Variants in MREG observed in about 807,000 individuals in gnomAD.
The protein encoded by MREG is melanoregulin, also known as dilute suppressor protein homolog.
Under a neutral mutation model 28.5 loss-of-function variants are expected in MREG, and 31 were observed. The ratio of observed to expected loss-of-function variants is 1.09; its 90% CI spans 0.82 to 1.47. MREG has a LOEUF of 1.47. Among genes scored for constraint, MREG ranks in the 40% most tolerant of loss-of-function variants. MREG has a pLI of 0.00. For synonymous variants in MREG, 106 were observed against 95.2 expected (o/e 1.11, Z -0.66); for missense variants, 256 against 257.4 (o/e 0.99, Z 0.04).
intron 2 of MREG, among the ~76,000 whole-genome samples, chr2:215,988,409 G>T (rs1372607293): frequency 3.9e-5 from 6 of 152,200 alleles, no homozygotes; most frequent in African/African-American, 1.2e-4. Flanking sequence ...CAGACCAGGA[G>T]ATTCTCTTGG....
chr2:216,002,171 C>T (rs1694031899), intron 1 of MREG, among the ~76,000 whole-genome samples: 1 of 152,208 alleles, frequency 6.6e-6, no homozygotes, highest in South Asian at 2.1e-4. Flanking sequence ...ACACACTAAG[C>T]TGCTTTTACT....
intron 2 of MREG, among the ~76,000 whole-genome samples, chr2:215,954,483 C>CACACACACAA (rs3220063): frequency 2.0e-5 from 3 of 150,786 alleles, no homozygotes; most frequent in Non-Finnish European, 3.0e-5. Context: ...CACACACACA[C>CACACACACAA]AAAACAACCA....
chr2:215,965,962 T>C (rs1479984580), intron 2 of MREG, among the ~76,000 whole-genome samples: 1 of 152,234 alleles, frequency 6.6e-6, no homozygotes, highest in Non-Finnish European at 1.5e-5. Context: ...AGGATGTCTC[T>C]GGCCAGAGGA....
At chr2:215,967,895 C>A (rs1692988635) in intron 2 of MREG, among the ~76,000 whole-genome samples, 1 of 152,190 alleles carries the variant, frequency 6.6e-6, no homozygotes, top group African/African-American at 2.4e-5. Flanking sequence ...CCATTTTACT[C>A]TCAAAAATGC....
Position 216,013,365 on chromosome 2 carries a change from GC to G in MREG, c.-39del. The G allele has an allele frequency of 6.9e-7, 1 of 1,442,910 alleles. No homozygotes were observed. Among genetic ancestry groups the G allele is most frequent in the Non-Finnish European group, 9.2e-7 (1 of 1,088,144 alleles). 89.4% of individuals were successfully genotyped at this position (1,442,910 alleles called of 1,614,324 possible). On this transcript the variant is annotated 5_prime_UTR_variant, in exon 1 of 5. Coordinates refer to ENST00000263268, the MANE Select transcript of MREG (RefSeq NM_018000.3). ...CCCCCACCGGCGCCGGAAGCCTGGG[GC>G]CGAGTCGCCGCGGCGAGCGATCGAG...
chr2:215,988,685 G>A (rs546176765), intron 2 of MREG, among the ~76,000 whole-genome samples: 1 of 152,332 alleles, frequency 6.6e-6, no homozygotes, highest in East Asian at 1.9e-4. Flanking sequence ...AAGTTGACCT[G>A]GGATGCTCGA....
chr2:215,946,046 A>G (rs1222234344), intron 3 of MREG, among the ~76,000 whole-genome samples: 1 of 150,020 alleles, frequency 6.7e-6, no homozygotes. Context: ...TGTCCTCCCT[A>G]CTCTTTAGCT....
intron 2 of MREG, among the ~76,000 whole-genome samples, chr2:215,967,772 G>T (rs780934915): frequency 2.6e-5 from 4 of 152,158 alleles, no homozygotes; most frequent in Admixed American, 2.0e-4. Flanking sequence ...TCATGGGCAC[G>T]ACTGTGTTCC....
intron 2 of MREG, among the ~76,000 whole-genome samples, chr2:215,956,336 C>CATCT (rs772513281): frequency 5.3e-5 from 8 of 152,208 alleles, no homozygotes; most frequent in Admixed American, 1.3e-4. Context: ...GTAAATATTA[C>CATCT]ATCTATCTAT....
At chr2:216,011,712 G>T (rs1179021385) in intron 1 of MREG, among the ~76,000 whole-genome samples, 4 of 89,452 alleles carry the variant, frequency 4.5e-5, no homozygotes, top group African/African-American at 1.5e-4. Flanking sequence ...GCTAAGACAG[G>T]AGAGCATCTA....
chr2:216,017,160 AGTTTT>A (rs112710460), upstream of MREG, among the ~76,000 whole-genome samples: 343 of 152,198 alleles, frequency 2.3e-3, 1 homozygote, highest in African/African-American at 5.9e-3. Flanking sequence ...ATTGTTAGTG[AGTTTT>A]GTTTTGTTTT....
intron 2 of MREG, among the ~76,000 whole-genome samples, chr2:215,968,061 C>T (rs939053967): frequency 1.3e-5 from 2 of 152,196 alleles, no homozygotes; most frequent in Non-Finnish European, 2.9e-5. Flanking sequence ...CTTCACAGCA[C>T]ATCAGCCTTT....
At chr2:215,971,901 T>C (rs1182814660) in intron 2 of MREG, among the ~76,000 whole-genome samples, 2 of 151,996 alleles carry the variant, frequency 1.3e-5, no homozygotes, top group African/African-American at 4.8e-5. Context: ...AGAAGGGAGA[T>C]CATTTCTCAA....
chr2:215,944,729 T>C lies in MREG; in HGVS notation c.*134A>G. ...GGGTCCTCAGATTAAAGACTTTACA[T>C]TTATGTAGAATTCAGTATCATTTTT... On this transcript the variant is annotated 3_prime_UTR_variant, in exon 5 of 5. Coordinates refer to ENST00000263268, the MANE Select transcript of MREG (RefSeq NM_018000.3). 1.1e-6 allele frequency: 1 copy of C among 933,938 alleles called. No homozygotes were observed. Among genetic ancestry groups the C allele is most frequent in the East Asian group, 2.6e-5 (1 of 38,194 alleles). 57.9% of individuals were successfully genotyped at this position (933,938 alleles called of 1,614,324 possible). A position where few individuals can be genotyped will look rare whatever the true frequency, so the allele number is the denominator to read the frequency against.
At chr2:215,956,363 C>T (rs143064547) in intron 2 of MREG, among the ~76,000 whole-genome samples, 1 of 152,284 alleles carries the variant, frequency 6.6e-6, no homozygotes, top group Non-Finnish European at 1.5e-5. Flanking sequence ...ACCTACCTAC[C>T]TTCCTACCTA....
At chr2:215,998,634 G>T (rs576766011) in intron 1 of MREG, among the ~76,000 whole-genome samples, 92 of 152,290 alleles carry the variant, frequency 6.0e-4, no homozygotes, top group African/African-American at 1.9e-3. Flanking sequence ...TACCACAAAA[G>T]CTAGAACACA....
intron 2 of MREG, among the ~76,000 whole-genome samples, chr2:215,953,705 A>G (rs1692543907): frequency 6.6e-6 from 1 of 152,214 alleles, no homozygotes; most frequent in African/African-American, 2.4e-5. Context: ...ACTCTGGGTC[A>G]ATTCTCATCT....
At chr2:215,998,260 G>A (rs772089258) in intron 1 of MREG, among the ~76,000 whole-genome samples, 7 of 150,256 alleles carry the variant, frequency 4.7e-5, no homozygotes, top group Admixed American at 6.7e-5. Flanking sequence ...AGCTGAGATC[G>A]CGCCATTGTA....
chr2:216,004,564 C>CAA lies in MREG; in HGVS notation c.96-8101_96-8100dup, dbSNP rs5838561. 2.1e-3 allele frequency among the ~76,000 whole-genome samples: 308 copies of CAA among 146,236 alleles called. 3 individuals are homozygous for CAA. Among genetic ancestry groups the CAA allele is most frequent in the African/African-American group, 7.2e-3 (280 of 39,116 alleles). ...GCCTCAAAAAAAACAAAAAAACAAA[C>CAA]AAAAAAAAAAAACCTGTGCCTGGCA... On this transcript the variant is annotated intron_variant, in intron 1 of 4. Transcript: ENST00000263268.
Sources: gnomAD v4.1 joint callset for allele counts (sites outside exome capture counted in the v4.1 genomes callset) on GRCh38, gnomAD v4.1.1 for gene constraint, MANE v1.5 for transcripts, NCBI Gene and HGNC (gene_info 2026-07-23, HGNC 2026-07-21) for gene names.